The following COL7A1 variants were observed in gnomAD, a reference collection of about 807,000 sequenced individuals.
COL7A1 encodes collagen type VII alpha 1 chain.
In COL7A1, 296 loss-of-function variants were observed where a neutral mutation model predicts 456.2. The ratio of observed to expected loss-of-function variants is 0.65; its 90% CI spans 0.59 to 0.71. The LOEUF (loss-of-function observed/expected upper bound fraction) is 0.71, where lower values mean the gene tolerates loss of function less well. COL7A1 is among the 30% of genes least tolerant of loss of function. The pLI is 0.00. For synonymous variants in COL7A1, 1,464 were observed against 1,525.9 expected, an observed-to-expected ratio of 0.96 and a Z score of 0.95; for missense variants, 3,441 against 4,017.2, an observed-to-expected ratio of 0.86 and a Z score of 3.88.
At position 48,575,818 on chromosome 3, in the gene COL7A1, G is replaced by A. The variant is rs2044261855; in HGVS notation, c.5856+49C>T. ...GCCCCTATGCCTGTGGGCACCACTA[G>A]CCCCAAGGGCCCCCACTTGTCCCTA... On this transcript the variant is annotated intron_variant, in intron 72 of 118. Coordinates refer to ENST00000681320, the MANE Select transcript of COL7A1 (RefSeq NM_000094.4). This position sits in a 1 kb window ranked among gnomAD's most constrained non-coding sequence, Gnocchi z 6.3. 6.2e-7 allele frequency: 1 copy of A among 1,613,906 alleles called. No individual in the cohort carries two copies. The highest frequency in any genetic ancestry group is 2.2e-5 in the East Asian group (1 of 44,828).
At position 48,568,203 on chromosome 3, in the gene COL7A1, G is replaced by A; in HGVS notation, c.7795-33C>T. The A allele has an allele frequency of 6.2e-7, 1 of 1,604,690 alleles. No individual in the cohort carries two copies. The highest frequency in any genetic ancestry group is 8.5e-7 in the Non-Finnish European group (1 of 1,175,742). On this transcript the variant is annotated intron_variant, in intron 105 of 118. Coordinates refer to ENST00000681320, the MANE Select transcript of COL7A1 (RefSeq NM_000094.4). The surrounding 1 kb of genome is among the most constrained non-coding windows in gnomAD (Gnocchi z 5.2). ...GGAGAGGGTCCATGTGAGGTCAGAGGAGGTCAGTGAGGGACCAAAGAGAAT... is the reference window on the plus strand; with the variant it reads ...GGAGAGGGTCCATGTGAGGTCAGAGAAGGTCAGTGAGGGACCAAAGAGAAT...
chr3:48,578,406 GAGGGTAGTA>G lies in COL7A1; in HGVS notation c.5487+38_5488-42del. The G allele has an allele frequency of 6.2e-7, 1 of 1,613,574 alleles. No homozygotes were observed. The highest frequency in any genetic ancestry group is 2.2e-5 in the East Asian group (1 of 44,886). ...ACTGGTTGGATGTCGGGGATCGGGT[GAGGGTAGTA>G]AGGGGGAAAAGGGGGTAACATGAAA... is the stretch of plus-strand genomic sequence containing the variant. On this transcript the variant is annotated intron_variant, in intron 64 of 118. Transcript: ENST00000681320. The surrounding 1 kb of genome is among the most constrained non-coding windows in gnomAD (Gnocchi z 4.7).
In COL7A1 at chr3:48,574,147, G is replaced by T; in HGVS notation, c.6501+115C>A. 2.2e-6 allele frequency: 3 copies of T among 1,340,856 alleles called. No individual in the cohort carries two copies. The highest frequency in any genetic ancestry group is 2.1e-6 in the Non-Finnish European group (2 of 942,080). The allele number at this position is 1,340,856 out of a possible 1,614,324, so 83.1% of individuals were successfully genotyped here. A position where few individuals can be genotyped will look rare whatever the true frequency, so the allele number is the denominator to read the frequency against. On this transcript the variant is annotated intron_variant, in intron 80 of 118. Transcript: ENST00000681320. The surrounding 1 kb of genome is among the most constrained non-coding windows in gnomAD (Gnocchi z 5.0). ...CACACAAGCAGGCACACACAGAGAG[G>T]CACACAGACACAGGTACACACAAAC...
At position 48,569,183 on chromosome 3, in the gene COL7A1, C is replaced by T. The variant is rs1355470621; in HGVS notation, c.7686+192G>A. On this transcript the variant is annotated intron_variant, in intron 103 of 118. Coordinates refer to ENST00000681320, the MANE Select transcript of COL7A1 (RefSeq NM_000094.4). This position sits in a 1 kb window ranked among gnomAD's most constrained non-coding sequence, Gnocchi z 4.9. ...TCATAGGGCCAGTCCACAGAGCTCT[C>T]CTAACCTCACACCAAGGCCTTGAGC... Among the ~76,000 whole-genome samples the T allele has an allele frequency of 7.9e-5, 12 of 152,048 alleles. No homozygotes were observed. The highest frequency in any genetic ancestry group is 4.4e-5 in the Non-Finnish European group (3 of 67,994).
chr3:48,580,503 G>T lies in COL7A1; in HGVS notation c.5052+78C>A, dbSNP rs2044667934. ...TGGGAGGGTTTAGCATTACAGGGTT[G>T]GGGGGTAGGATCAGGTATTGGGAAT... On this transcript the variant is annotated intron_variant, in intron 55 of 118. Transcript: ENST00000681320. The surrounding 1 kb of genome is among the most constrained non-coding windows in gnomAD (Gnocchi z 4.5). 1 of 1,525,750 alleles carries T rather than the reference G, an allele frequency of 6.6e-7. No individual in the cohort carries two copies. The highest frequency in any genetic ancestry group is 1.7e-4 in the Middle Eastern group (1 of 5,912). 94.5% of individuals were successfully genotyped at this position (1,525,750 alleles called of 1,614,324 possible).
rs184412823 is a variant in COL7A1, at chr3:48,584,201, C to G, written c.4197+97G>C. ...GCGTCATGGTGAGGATGGGGGTAAT[C>G]AAAGGGTCACAAGGGCCAGAGTAAC... On this transcript the variant is annotated intron_variant, in intron 37 of 118. Transcript: ENST00000681320. 684 of 1,549,612 alleles carry G rather than the reference C, an allele frequency of 4.4e-4. 1 individual carries two copies. The highest frequency in any genetic ancestry group is 1.7e-3 in the Middle Eastern group (10 of 5,848).
At position 48,566,856 on chromosome 3, in the gene COL7A1, G is replaced by A; in HGVS notation, c.8226+51C>T. On this transcript the variant is annotated intron_variant, in intron 111 of 118. Transcript: ENST00000681320. This position sits in a 1 kb window ranked among gnomAD's most constrained non-coding sequence, Gnocchi z 5.9. ...CAGGCTGGAAGATGGTTATGAGGTT[G>A]GAAGGGTAGGGAAGGTTCAGGGATC... The A allele has an allele frequency of 6.4e-7, 1 of 1,569,168 alleles. No individual in the cohort carries two copies. The highest frequency in any genetic ancestry group is 2.3e-5 in the East Asian group (1 of 43,604).
At position 48,594,694 on chromosome 3, in the gene COL7A1, C is replaced by A; in HGVS notation, c.86-146G>T. 1 of 1,005,054 alleles carries A rather than the reference C, an allele frequency of 9.9e-7. No individual in the cohort carries two copies. Among genetic ancestry groups the A allele is most frequent in the Admixed American group, 2.3e-5 (1 of 43,856 alleles). The allele number at this position is 1,005,054 out of a possible 1,614,324, so 62.3% of individuals were successfully genotyped here. ...GGCCGAATCGGCCTGAGCCTGAGGGCCTTGGAGGGAGTTGAGCTCGGTGGG... is the reference window on the plus strand; with the variant it reads ...GGCCGAATCGGCCTGAGCCTGAGGGACTTGGAGGGAGTTGAGCTCGGTGGG... On this transcript the variant is annotated intron_variant, in intron 2 of 118. Transcript: ENST00000681320. This position sits in a 1 kb window ranked among gnomAD's most constrained non-coding sequence, Gnocchi z 5.5.
Position 48,583,099 on chromosome 3 carries a change from C to A in COL7A1, c.4482+28G>T. The A allele has an allele frequency of 6.2e-7, 1 of 1,613,980 alleles. No individual in the cohort carries two copies. Among genetic ancestry groups the A allele is most frequent in the Non-Finnish European group, 8.5e-7 (1 of 1,179,986 alleles). ...TGAGTTGGGCCCAGATCCTCCAGGG[C>A]CCTTGGCACCCCCCAGGTTGCACTT... On this transcript the variant is annotated intron_variant, in intron 43 of 118. Coordinates refer to ENST00000681320, the MANE Select transcript of COL7A1 (RefSeq NM_000094.4). The surrounding 1 kb of genome is among the most constrained non-coding windows in gnomAD (Gnocchi z 5.1).
rs773855741 is a variant in COL7A1 at position 48,572,019 on chromosome 3, G to A, written c.7050C>T (p.Pro2350=). Reference sequence around the variant, plus strand: ...GACTCACATCTTCCCCAGGGTCTCCGGGCTCCCCTGCACGGCCAGCTTCAC... The same window carrying A: ...GACTCACATCTTCCCCAGGGTCTCCAGGCTCCCCTGCACGGCCAGCTTCAC... ...EKGEAGRAGE[P]GDPGEDGQKG... Residue 2350 remains proline, a synonymous_variant, in exon 92 of 119, where the codon CCC becomes CCT. Transcript: ENST00000681320. This position sits in a 1 kb window ranked among gnomAD's most constrained non-coding sequence, Gnocchi z 4.6. The A allele has an allele frequency of 3.0e-5, 48 of 1,612,578 alleles. No individual in the cohort carries two copies. Among genetic ancestry groups the A allele is most frequent in the Middle Eastern group, 1.7e-4 (1 of 5,994 alleles).
In COL7A1 at chr3:48,578,308, T is replaced by C. The variant is rs1370066293; in HGVS notation, c.5532+13A>G. On this transcript the variant is annotated intron_variant, in intron 65 of 118. Coordinates refer to ENST00000681320, the MANE Select transcript of COL7A1 (RefSeq NM_000094.4). This position sits in a 1 kb window ranked among gnomAD's most constrained non-coding sequence, Gnocchi z 4.7. Reference sequence around the variant, plus strand: ...TTGGCAGGTTTCGCCGCAGCTGCCCTGGACACACTCACGTTTTTTCCATTC... The same window carrying C: ...TTGGCAGGTTTCGCCGCAGCTGCCCCGGACACACTCACGTTTTTTCCATTC... 6.2e-7 allele frequency: 1 copy of C among 1,612,376 alleles called. No homozygotes were observed. The highest frequency in any genetic ancestry group is 1.1e-5 in the South Asian group (1 of 91,000).
chr3:48,583,374 T>C lies in COL7A1; in HGVS notation c.4437+19A>G. On this transcript the variant is annotated intron_variant, in intron 42 of 118. Coordinates refer to ENST00000681320, the MANE Select transcript of COL7A1 (RefSeq NM_000094.4). This position sits in a 1 kb window ranked among gnomAD's most constrained non-coding sequence, Gnocchi z 5.1. ...CAGAGTAGCACCCCTCACACCTGAA[T>C]CCCCCAACTGGTACTCACTTTGGGG... 2.5e-6 allele frequency: 4 copies of C among 1,613,758 alleles called. No individual in the cohort carries two copies. Among genetic ancestry groups the C allele is most frequent in the Non-Finnish European group, 3.4e-6 (4 of 1,179,864 alleles).
intron 17 of COL7A1, 25 bp from the exon 18 acceptor site, chr3:48,589,495 C>T: frequency 1.2e-6 from 2 of 1,613,204 alleles, no homozygotes; most frequent in Non-Finnish European, 8.5e-7. Context: ...GGAGGCAGCT[C>T]CAGGGCTAGC....
intron 47 of COL7A1, 74 bp from the exon 48 acceptor site, chr3:48,582,017 G>A: frequency 6.3e-7 from 1 of 1,599,428 alleles, no homozygotes; most frequent in South Asian, 1.1e-5. Context: ...TTGGAATGGA[G>A]GTCACATGGA....
In COL7A1 at chr3:48,567,494, C is replaced by T; in HGVS notation, c.8046+80G>A. The T allele has an allele frequency of 6.3e-7, 1 of 1,591,006 alleles. No homozygotes were observed. The highest frequency in any genetic ancestry group is 8.6e-7 in the Non-Finnish European group (1 of 1,159,336). On this transcript the variant is annotated intron_variant, in intron 109 of 118. Transcript: ENST00000681320. This position sits in a 1 kb window ranked among gnomAD's most constrained non-coding sequence, Gnocchi z 4.3. ...CAACCCTCTACAGCCTTCCTTGTCC[C>T]TACACCCCCATGACCCGACCATGAG...
Position 48,573,770 on chromosome 3 carries a change from C to G in COL7A1, c.6538-45G>C, listed in dbSNP as rs2044094516. ...TCTGATGAGGGGGAGTTAGCCGCAC[C>G]CCACCAAGGAAACTGAGGCAGTACT... On this transcript the variant is annotated intron_variant, in intron 81 of 118. Transcript: ENST00000681320. This position sits in a 1 kb window ranked among gnomAD's most constrained non-coding sequence, Gnocchi z 5.5. 1.9e-6 allele frequency: 3 copies of G among 1,613,870 alleles called. No individual in the cohort carries two copies. The highest frequency in any genetic ancestry group is 2.5e-6 in the Non-Finnish European group (3 of 1,179,940).
In COL7A1 at chr3:48,586,910, G is replaced by C. The variant is rs1186612445; in HGVS notation, c.3276+62C>G. The C allele has an allele frequency of 1.3e-6, 2 of 1,554,856 alleles. No individual in the cohort carries two copies. The highest frequency in any genetic ancestry group is 2.7e-5 in the African/African-American group (2 of 73,516). On this transcript the variant is annotated intron_variant, in intron 25 of 118. Coordinates refer to ENST00000681320, the MANE Select transcript of COL7A1 (RefSeq NM_000094.4). The surrounding 1 kb of genome is among the most constrained non-coding windows in gnomAD (Gnocchi z 5.1). ...ATTGGGTGGTCAGGAGATGGTAACT[G>C]GTATGGAGCCTGGGTGGGGGGCCTC...
At position 48,592,825 on chromosome 3, in the gene COL7A1, A is replaced by G; in HGVS notation, c.796T>C (p.Tyr266His). 1 of 1,613,792 alleles carries G rather than the reference A, an allele frequency of 6.2e-7. No homozygotes were observed. Among genetic ancestry groups the G allele is most frequent in the African/African-American group, 1.3e-5 (1 of 75,040 alleles). The change falls in exon 7 of 119, where the codon TAC becomes CAC. Residue 266 changes from tyrosine to histidine, a missense_variant. Physicochemically the swap from Tyr to His is moderately conservative, Grantham distance 83. Coordinates refer to ENST00000681320, the MANE Select transcript of COL7A1 (RefSeq NM_000094.4). The surrounding 1 kb of genome is among the most constrained non-coding windows in gnomAD (Gnocchi z 7.6). Reference sequence around the variant, plus strand: ...TGTCCCAGCCCCGTCAGAGGAGTGTACTGGACCTTGTAGCCAGTCACAGGG... The same window carrying G: ...TGTCCCAGCCCCGTCAGAGGAGTGTGCTGGACCTTGTAGCCAGTCACAGGG... ...SGPVTGYKVQ[Y>H]TPLTGLGQPL...
At position 48,565,753 on chromosome 3, in the gene COL7A1, G is replaced by A. The variant is rs1203661852; in HGVS notation, c.8408-85C>T. ...AGACAGACAGAGACACACAGGCAGAGGGGTAGAGATACACAAAGAGATAGC... is the reference window on the plus strand; with the variant it reads ...AGACAGACAGAGACACACAGGCAGAAGGGTAGAGATACACAAAGAGATAGC... On this transcript the variant is annotated intron_variant, in intron 114 of 118. Coordinates refer to ENST00000681320, the MANE Select transcript of COL7A1 (RefSeq NM_000094.4). The surrounding 1 kb of genome is among the most constrained non-coding windows in gnomAD (Gnocchi z 4.5). 5 of 1,314,286 alleles carry A rather than the reference G, an allele frequency of 3.8e-6. No individual in the cohort carries two copies. Among genetic ancestry groups the A allele is most frequent in the Non-Finnish European group, 5.4e-6 (5 of 929,990 alleles). 81.4% of individuals were successfully genotyped at this position (1,314,286 alleles called of 1,614,324 possible).
Sources: gnomAD v4.1 joint callset for allele counts (sites outside exome capture counted in the v4.1 genomes callset) on GRCh38, gnomAD v4.1.1 for gene constraint, Gnocchi (gnomAD v3.1) non-coding constraint, MANE v1.5 for transcripts, NCBI Gene and HGNC (gene_info 2026-07-23, HGNC 2026-07-21) for gene names.